Variants in NBPF20 observed in about 807,000 individuals in gnomAD.
NBPF20 encodes the protein NBPF family member NBPF20.
NBPF20 carries 90 observed loss-of-function variants against 68.1 expected under a neutral mutation model. The observed-to-expected ratio is 1.32, with a 90% CI of 1.11 to 1.58. NBPF20 has a LOEUF of 1.58. Ranked by LOEUF, NBPF20 falls within the 40% of genes most tolerant of loss-of-function variation. The pLI is 0.00. For missense variants in NBPF20, 816 were observed against 601.2 expected (o/e 1.36, Z -3.74); for synonymous variants, 290 against 228.1 (o/e 1.27, Z -2.45).
chr1:145,393,652 A>G (rs1247794056), intron 9 of NBPF20: 4 of 1,148,012 alleles, frequency 3.5e-6, no homozygotes, highest in Non-Finnish European at 4.9e-6. Context: ...TTACCATGAG[A>G]ATACAGCTTT....
At chr1:145,397,205 T>G (rs1662292215) in intron 7 of NBPF20, among the ~76,000 whole-genome samples, 1 of 149,396 alleles carries the variant, frequency 6.7e-6, no homozygotes, top group South Asian at 2.2e-4. Context: ...TCTTTGCTAT[T>G]GTGAATAGTG....
At chr1:145,408,355 G>C (rs1190796429), upstream of NBPF20, among the ~76,000 whole-genome samples, 12 of 151,894 alleles carry the variant, frequency 7.9e-5, no homozygotes, top group African/African-American at 2.9e-4. Flanking sequence ...CCTCCTGTGT[G>C]TGGCTGGAAA....
chr1:145,422,743 C>G, the NBPF20 span, among the ~76,000 whole-genome samples: 3 of 152,098 alleles, frequency 2.0e-5, no homozygotes, highest in Non-Finnish European at 4.4e-5. Flanking sequence ...AATCCCCACA[C>G]TCTGGGAGGC....
intron 137 of NBPF20, 67 bp from the exon 143 acceptor site, chr1:145,291,836 T>G: frequency 1.2e-6 from 2 of 1,610,982 alleles, no homozygotes; most frequent in Non-Finnish European, 8.5e-7. Context: ...CCCACTAGAT[T>G]TCAGAAGTCA....
chr1:145,400,343 C>T lies in NBPF20; in HGVS notation c.775+43G>A, dbSNP rs1190946015. 1.9e-4 allele frequency: 306 copies of T among 1,610,794 alleles called. 3 individuals carry two copies. The South Asian group carries it at 3.1e-3, about 16-fold the overall frequency. Reference sequence around the variant, plus strand: ...AGAGCCTGTCTTCAGAGTTTATCTTCCTCAGCCTAGAGAGAGGTATGAGAC... The same window carrying T: ...AGAGCCTGTCTTCAGAGTTTATCTTTCTCAGCCTAGAGAGAGGTATGAGAC... On this transcript the variant is annotated intron_variant, in intron 6 of 137. Transcript: ENST00000369373.
At chr1:145,295,453 G>A (rs1661289640) in intron 133 of NBPF20, 114 bp downstream of exon 138, 1 of 189,828 alleles carries the variant, frequency 5.3e-6, no homozygotes, top group Non-Finnish European at 8.7e-6. Context: ...AATATCAGGA[G>A]GAGTAATTCA....
At chr1:145,394,215 A>G (rs1413176397) in intron 8 of NBPF20, among the ~76,000 whole-genome samples, 1 of 151,958 alleles carries the variant, frequency 6.6e-6, no homozygotes, top group African/African-American at 2.4e-5. Flanking sequence ...TTTCCCCAAT[A>G]AATTGTAGGC....
At chr1:145,414,949 CACAGAG>C in the NBPF20 span, among the ~76,000 whole-genome samples, 6 of 151,930 alleles carry the variant, frequency 3.9e-5, no homozygotes. Context: ...AAGAAAGAGA[CACAGAG>C]ACAAAGTACA....
chr1:145,405,410 T>A, exon 1 of NBPF20: 1 of 1,567,866 alleles, frequency 6.4e-7, no homozygotes, highest in Non-Finnish European at 8.6e-7. Context: ...CTTACCTTAC[T>A]GTTGTGAAAA....
chr1:145,407,561 T>C (rs587648182), upstream of NBPF20, among the ~76,000 whole-genome samples: 169 of 147,238 alleles, frequency 1.1e-3, no homozygotes, highest in African/African-American at 3.9e-3. Context: ...CATAATATAC[T>C]ATATATAACA....
At chr1:145,400,979 T>C (rs1314093138) in intron 5 of NBPF20, 80 bp downstream of exon 10, 17 of 1,534,936 alleles carry the variant, frequency 1.1e-5, no homozygotes, top group African/African-American at 1.1e-4. Flanking sequence ...TGGCCGATCA[T>C]AGATGCCAGA....
At chr1:145,396,802 G>T (rs1476440912) in intron 7 of NBPF20, among the ~76,000 whole-genome samples, 3 of 147,582 alleles carry the variant, frequency 2.0e-5, no homozygotes, top group Non-Finnish European at 4.5e-5. Flanking sequence ...AAGTCTTAGG[G>T]TACATGTGCA....
At chr1:145,425,304 C>T in the NBPF20 span, among the ~76,000 whole-genome samples, 2 of 151,564 alleles carry the variant, frequency 1.3e-5, no homozygotes, top group East Asian at 3.9e-4. Flanking sequence ...AGCTGTGTAC[C>T]CGCGGGTCCC....
chr1:145,291,377 C>G (rs1319184233), exon 138 of NBPF20: 3 of 1,555,114 alleles, frequency 1.9e-6, no homozygotes, highest in East Asian at 2.2e-5. Flanking sequence ...CAGGTTGCCA[C>G]TGGCATGGTT....
chr1:145,292,015 G>C (rs72477334), intron 137 of NBPF20, among the ~76,000 whole-genome samples: 10 of 149,816 alleles, frequency 6.7e-5, no homozygotes, highest in South Asian at 2.1e-4. Context: ...CTAGTGAATT[G>C]CCCAGGTGAC....
At chr1:145,409,230 ACT>A (rs1404468249), upstream of NBPF20, among the ~76,000 whole-genome samples, 4 of 151,866 alleles carry the variant, frequency 2.6e-5, no homozygotes, top group East Asian at 5.8e-4. Context: ...TCTCGTAAAT[ACT>A]GAGTAGTATT....
chr1:145,393,847 A>G, intron 9 of NBPF20, 37 bp downstream of exon 14: 1 of 1,470,584 alleles, frequency 6.8e-7, no homozygotes, highest in Non-Finnish European at 9.4e-7. Context: ...TCCAGGTGTC[A>G]ACATCAAATT....
intron 136 of NBPF20, among the ~76,000 whole-genome samples, chr1:145,292,826 G>C (rs1186698638): frequency 1.4e-5 from 1 of 71,090 alleles, no homozygotes; most frequent in African/African-American, 7.1e-5. Context: ...ATTTAGCCCT[G>C]TCTCATCAAA....
At position 145,292,103 on chromosome 1, in the gene NBPF20, G is replaced by A. The variant is rs183097254; in HGVS notation, c.16697+278C>T. ...AGCAAACTGTGATCATGAAAAGAGT[G>A]AGCTCAATAGTTTTCCATAAAATAT... On this transcript the variant is annotated intron_variant, in intron 137 of 137. Transcript: ENST00000369373. Among the ~76,000 whole-genome samples the A allele has an allele frequency of 2.3e-4, 35 of 149,622 alleles. 4 individuals carry two copies. Among genetic ancestry groups the A allele is most frequent in the African/African-American group, 8.5e-4 (33 of 39,026 alleles).
Sources: allele counts gnomAD v4.1 joint callset (sites outside exome capture counted in the v4.1 genomes callset), GRCh38; gene constraint gnomAD v4.1.1; transcripts MANE v1.5; gene names NCBI Gene and HGNC (gene_info 2026-07-23, HGNC 2026-07-21).